Variants in RBM20 observed in about 807,000 individuals in gnomAD.
The protein encoded by RBM20 is RNA binding motif protein 20.
In RBM20, 51 loss-of-function variants were observed where a neutral mutation model predicts 110.1. The observed-to-expected ratio is 0.46, with a 90% CI of 0.37 to 0.59. The LOEUF (loss-of-function observed/expected upper bound fraction) is 0.59, where lower values mean the gene tolerates loss of function less well. Among genes scored for constraint, RBM20 ranks in the 20% least tolerant of loss-of-function variants. The pLI is 0.00. For synonymous variants in RBM20, 589 were observed against 618.2 expected, an observed-to-expected ratio of 0.95 and a Z score of 0.70; for missense variants, 1,512 against 1,574.9, an observed-to-expected ratio of 0.96 and a Z score of 0.68.
rs770927031 is a variant in RBM20, at chr10:110,837,701, G to T, written c.*1723G>T. On this transcript the variant is annotated 3_prime_UTR_variant, in exon 14 of 14. Transcript: ENST00000369519. ...TATCAGGTAACTGAGGCACACAAAG[G>T]GAACAAATGAAGAACATAAAATGAT... 1 of 152,226 alleles carries T rather than the reference G, an allele frequency of 6.6e-6. No individual in the cohort carries two copies. Among genetic ancestry groups the T allele is most frequent in the East Asian group, 1.9e-4 (1 of 5,206 alleles). 9.4% of individuals were successfully genotyped at this position (152,226 alleles called of 1,614,324 possible).
intron 1 of RBM20, among the ~76,000 whole-genome samples, chr10:110,706,496 G>A (rs1564821070): frequency 1.3e-5 from 2 of 152,238 alleles, no homozygotes; most frequent in South Asian, 4.1e-4. Context: ...GCCAGGAAAT[G>A]CAACGGTTCT....
In RBM20 at chr10:110,738,325, C is replaced by T. The variant is rs557238944; in HGVS notation, c.192-42476C>T. On this transcript the variant is annotated intron_variant, in intron 1 of 13. Transcript: ENST00000369519. ...TAATGCCAGTGCCCACTGCTGCTTA[C>T]AGGCTGGGGCAATTATAGGCCTGAG... Among the ~76,000 whole-genome samples the T allele has an allele frequency of 5.3e-5, 8 of 152,288 alleles. No homozygotes were observed. The East Asian group carries it at 1.4e-3, about 26-fold the overall frequency.
intron 1 of RBM20, among the ~76,000 whole-genome samples, chr10:110,676,915 A>T (rs1199340064): frequency 6.6e-6 from 1 of 152,236 alleles, no homozygotes; most frequent in African/African-American, 2.4e-5. Context: ...GTCACTTTAG[A>T]ATTTTAAAAT....
chr10:110,784,228 C>A, intron 3 of RBM20, 113 bp from the exon 4 acceptor site: 1 of 725,594 alleles, frequency 1.4e-6, no homozygotes. Context: ...TTTGTTTGAA[C>A]ACCTGTTTTC....
chr10:110,829,768 G>A (rs1475202468), intron 12 of RBM20, among the ~76,000 whole-genome samples: 2 of 152,200 alleles, frequency 1.3e-5, no homozygotes, highest in Admixed American at 6.5e-5. Flanking sequence ...TGGAGCAGGC[G>A]CTGTCATGAG....
intron 7 of RBM20, among the ~76,000 whole-genome samples, chr10:110,805,068 T>G (rs1316407727): frequency 3.9e-5 from 6 of 152,198 alleles, no homozygotes; most frequent in African/African-American, 1.4e-4. Flanking sequence ...GAGAGTCTTC[T>G]CTATGTGCTG....
At chr10:110,740,507 C>T (rs928713938) in intron 1 of RBM20, among the ~76,000 whole-genome samples, 14 of 151,984 alleles carry the variant, frequency 9.2e-5, no homozygotes, top group African/African-American at 3.4e-4. Flanking sequence ...TAGTGGGAGC[C>T]AGGTGTGTGG....
intron 9 of RBM20, among the ~76,000 whole-genome samples, chr10:110,813,463 G>A (rs1844801432): frequency 6.6e-6 from 1 of 152,200 alleles, no homozygotes; most frequent in African/African-American, 2.4e-5. Context: ...GAGAAGTGGT[G>A]AAGGAGAAGC....
chr10:110,796,503 T>C (rs946121500), intron 5 of RBM20, among the ~76,000 whole-genome samples: 1 of 152,200 alleles, frequency 6.6e-6, no homozygotes, highest in Non-Finnish European at 1.5e-5. Flanking sequence ...AAGTATTTCA[T>C]ATCACCAAGG....
chr10:110,648,839 A>G (rs1044368483), intron 1 of RBM20, among the ~76,000 whole-genome samples: 3 of 152,164 alleles, frequency 2.0e-5, no homozygotes, highest in Non-Finnish European at 4.4e-5. Context: ...TTTAGATAGT[A>G]TGTATAATCA....
chr10:110,827,610 G>A (rs1416358654), intron 12 of RBM20, among the ~76,000 whole-genome samples: 1 of 152,090 alleles, frequency 6.6e-6, no homozygotes, highest in African/African-American at 2.4e-5. Context: ...ACCTCTGCTT[G>A]GATTTCTTCA....
At chr10:110,667,186 A>T (rs572747801) in intron 1 of RBM20, among the ~76,000 whole-genome samples, 1 of 152,254 alleles carries the variant, frequency 6.6e-6, no homozygotes, top group South Asian at 2.1e-4. Context: ...GAGGTCTCTG[A>T]TGTTCATTTA....
At chr10:110,713,181 G>A (rs1862965688) in intron 1 of RBM20, among the ~76,000 whole-genome samples, 1 of 152,202 alleles carries the variant, frequency 6.6e-6, no homozygotes, top group Non-Finnish European at 1.5e-5. Flanking sequence ...CAGAGAAGTG[G>A]ATTTTTATGG....
In RBM20 at chr10:110,812,336, T is replaced by A; in HGVS notation, c.1939T>A (p.Ser647Thr). The part of the protein sequence containing the change: ...SPVSRSLSPR[S>T]HTPSFTSCSS... ...GGTGAGCCGGTCACTCTCCCCGAGG[T>A]CCCACACTCCCAGCTTCACCTCCTG... Residue 647 changes from serine (S) to threonine (T), a missense_variant, in exon 9 of 14, where the codon TCC becomes ACC. This residue lies in a region of RBM20 where 1,149 missense variants were observed against 1,169.4 expected (regional missense o/e 0.98). Coordinates refer to ENST00000369519, the MANE Select transcript of RBM20 (RefSeq NM_001134363.3). 1 of 1,551,202 alleles carries A rather than the reference T, an allele frequency of 6.4e-7. No homozygotes were observed. The highest frequency in any genetic ancestry group is 8.7e-7 in the Non-Finnish European group (1 of 1,146,904).
chr10:110,797,727 G>A (rs1419335100), intron 6 of RBM20, 79 bp downstream of exon 6: 2 of 1,442,242 alleles, frequency 1.4e-6, no homozygotes, highest in Admixed American at 2.1e-5. Flanking sequence ...ATTTTTGAAA[G>A]AAGCCATTCT....
At chr10:110,747,296 T>TTGG (rs1554895215) in intron 1 of RBM20, among the ~76,000 whole-genome samples, 4 of 136,814 alleles carry the variant, frequency 2.9e-5, no homozygotes, top group Non-Finnish European at 4.8e-5. Context: ...ACTCTTTTTT[T>TTGG]GGGGGGGGGG....
chr10:110,812,507 A>T lies in RBM20; in HGVS notation c.2110A>T (p.Met704Leu). 6.4e-7 allele frequency: 1 copy of T among 1,551,668 alleles called. No individual in the cohort carries two copies. Among genetic ancestry groups the T allele is most frequent in the Non-Finnish European group, 8.7e-7 (1 of 1,146,972 alleles). Reference sequence around the variant, plus strand: ...CAACGGAGATGACAAGAGGGACAGGATGGACCCCTGGGCACATGATCGCAA... The same window carrying T: ...CAACGGAGATGACAAGAGGGACAGGTTGGACCCCTGGGCACATGATCGCAA... The part of the protein sequence containing the change: ...RDNGDDKRDR[M>L]DPWAHDRKHH... The change falls in exon 9 of 14, where the codon ATG (methionine) becomes TTG (leucine). Residue 704 changes from methionine (M) to leucine (L), a missense_variant. Met to Leu is a conservative substitution (Grantham distance 15). Coordinates refer to ENST00000369519, the MANE Select transcript of RBM20 (RefSeq NM_001134363.3).
chr10:110,784,369 G>A lies in RBM20; in HGVS notation c.1366G>A (p.Ala456Thr), dbSNP rs1458201061. The A allele has an allele frequency of 6.4e-7, 1 of 1,551,200 alleles. No individual in the cohort carries two copies. Among genetic ancestry groups the A allele is most frequent in the East Asian group, 2.4e-5 (1 of 40,926 alleles). Residue 456 changes from alanine to threonine, a missense_variant, in exon 4 of 14, where the codon GCA (alanine) becomes ACA (threonine). Physicochemically the swap from Ala to Thr is moderately conservative, Grantham distance 58. Transcript: ENST00000369519. ...TGGCATCCGGTGTATACTTGGTTCGGCAGAGGGAACATTGTGTGCTTCTCC... is the reference window on the plus strand; with the variant it reads ...TGGCATCCGGTGTATACTTGGTTCGACAGAGGGAACATTGTGTGCTTCTCC... ...NAGIRCILGS[A>T]EGTLCASPNS...
At chr10:110,768,266 A>G (rs1286763727) in intron 1 of RBM20, among the ~76,000 whole-genome samples, 2 of 152,012 alleles carry the variant, frequency 1.3e-5, no homozygotes, top group Non-Finnish European at 2.9e-5. Flanking sequence ...GGAGAGGGAG[A>G]GGGAGAACTT....
Sources: gnomAD v4.1 joint callset for allele counts (sites outside exome capture counted in the v4.1 genomes callset) on GRCh38, gnomAD v4.1.1 for gene constraint, gnomAD v4.1.1 regional missense constraint, MANE v1.5 for transcripts, NCBI Gene and HGNC (gene_info 2026-07-23, HGNC 2026-07-21) for gene names.